Variants in NRXN3 observed in about 807,000 individuals in gnomAD.
NRXN3 encodes the protein neurexin III.
A neutral mutation model predicts 137.6 loss-of-function variants in NRXN3; 32 were observed. The observed-to-expected ratio is 0.23, with a 90% CI of 0.18 to 0.31. The LOEUF is 0.31. NRXN3 is among the 10% of genes least tolerant of loss of function. The pLI, the probability that NRXN3 is intolerant of heterozygous loss-of-function variation, is 1.00. For missense variants in NRXN3, 1,574 were observed against 2,062.5 expected, an observed-to-expected ratio of 0.76 and a Z score of 4.59; for synonymous variants, 798 against 784.5, an observed-to-expected ratio of 1.02 and a Z score of -0.29.
At chr14:78,634,294 AG>A in intron 4 of NRXN3, among the ~76,000 whole-genome samples, 1 of 152,356 alleles carries the variant, frequency 6.6e-6, no homozygotes, top group South Asian at 2.1e-4. Flanking sequence ...ACGATGGGGC[AG>A]GAGGAGGAAT....
chr14:79,426,711 GT>G (rs567460656), intron 15 of NRXN3, among the ~76,000 whole-genome samples: 180 of 152,312 alleles, frequency 1.2e-3, no homozygotes, highest in Admixed American at 2.0e-3. Context: ...TAGTGTGTAG[GT>G]GTTGAGGATG....
At chr14:78,395,632 GA>G (rs967015516) in intron 4 of NRXN3, among the ~76,000 whole-genome samples, 1 of 151,728 alleles carries the variant, frequency 6.6e-6, no homozygotes, top group Non-Finnish European at 1.5e-5. Context: ...ACTCTAATTG[GA>G]TTTATCTCAT....
chr14:78,616,586 T>G (rs999260564), intron 4 of NRXN3, among the ~76,000 whole-genome samples: 3 of 152,340 alleles, frequency 2.0e-5, no homozygotes, highest in South Asian at 2.1e-4. Context: ...GCAAGATTGA[T>G]GAGGACAAGC....
At chr14:79,257,663 C>T (rs988650377) in intron 15 of NRXN3, among the ~76,000 whole-genome samples, 5 of 147,038 alleles carry the variant, frequency 3.4e-5, no homozygotes, top group African/African-American at 1.0e-4. Context: ...CTTTTATCAG[C>T]AAGAAAGTGT....
At chr14:79,569,762 C>T (rs926189233) in intron 16 of NRXN3, among the ~76,000 whole-genome samples, 1 of 152,010 alleles carries the variant, frequency 6.6e-6, no homozygotes, top group Non-Finnish European at 1.5e-5. Context: ...GTGCCCGCCA[C>T]CACACCTGGC....
chr14:79,506,390 C>G (rs990741489), intron 16 of NRXN3, among the ~76,000 whole-genome samples: 14 of 152,088 alleles, frequency 9.2e-5, no homozygotes, highest in Non-Finnish European at 1.8e-4. Context: ...TTGCCAAGAG[C>G]TGGTTATTAT....
chr14:78,833,344 T>G (rs1176930633), intron 10 of NRXN3, among the ~76,000 whole-genome samples: 1 of 152,164 alleles, frequency 6.6e-6, no homozygotes, highest in Non-Finnish European at 1.5e-5. Context: ...CTCCAAGATT[T>G]CTAGCTTTGT....
chr14:79,831,313 G>C (rs2099322686), intron 20 of NRXN3, among the ~76,000 whole-genome samples: 1 of 152,182 alleles, frequency 6.6e-6, no homozygotes, highest in African/African-American at 2.4e-5. Context: ...GTGAGTGACA[G>C]ATTTCACATG....
chr14:78,860,599 AG>A, intron 10 of NRXN3, among the ~76,000 whole-genome samples: 1 of 152,184 alleles, frequency 6.6e-6, no homozygotes, highest in South Asian at 2.1e-4. Context: ...TTTAAATAAA[AG>A]AAGTGTATTT....
intron 15 of NRXN3, among the ~76,000 whole-genome samples, chr14:79,339,732 A>G (rs987242399): frequency 5.9e-5 from 9 of 152,210 alleles, no homozygotes; most frequent in Admixed American, 3.3e-4. Context: ...TGAGACAGTC[A>G]GCCCTGGATT....
chr14:78,326,339 T>A (rs1309684962), intron 4 of NRXN3, among the ~76,000 whole-genome samples: 1 of 151,952 alleles, frequency 6.6e-6, no homozygotes, highest in African/African-American at 2.4e-5. Flanking sequence ...GAGAGGAGAG[T>A]CATGAGTCTG....
At position 78,719,335 on chromosome 14, in the gene NRXN3, G is replaced by A. The variant is rs1422992836; in HGVS notation, c.2044+4196G>A. 2.0e-5 allele frequency among the ~76,000 whole-genome samples: 3 copies of A among 152,196 alleles called. No homozygotes were observed. The East Asian group carries it at 5.8e-4, about 29-fold the overall frequency. On this transcript the variant is annotated intron_variant, in intron 8 of 20. Transcript: ENST00000335750. ...CTTCTCTCCAGTGACTCTTGTTCCA[G>A]TGGGAAAGGCATGCAGGCAGCAGCT...
intron 4 of NRXN3, among the ~76,000 whole-genome samples, chr14:78,474,999 A>G (rs2095353182): frequency 6.6e-6 from 1 of 152,014 alleles, no homozygotes. Flanking sequence ...GATGTAAGTG[A>G]TCTGGGACCA....
At chr14:79,774,213 T>C (rs2099089401) in intron 19 of NRXN3, among the ~76,000 whole-genome samples, 1 of 152,170 alleles carries the variant, frequency 6.6e-6, no homozygotes, top group African/African-American at 2.4e-5. Context: ...TTTCCCAATA[T>C]TGACTGGGGT....
chr14:79,463,802 CA>C (rs1487853461), intron 15 of NRXN3, among the ~76,000 whole-genome samples: 1 of 152,006 alleles, frequency 6.6e-6, no homozygotes, highest in African/African-American at 2.4e-5. Context: ...GTACGAGGCT[CA>C]GGGGAGAAAG....
intron 4 of NRXN3, among the ~76,000 whole-genome samples, chr14:78,584,802 T>C (rs1382971618): frequency 6.6e-6 from 1 of 152,224 alleles, no homozygotes; most frequent in South Asian, 2.1e-4. Context: ...CGTCAAATCA[T>C]CCATCATTTG....
intron 4 of NRXN3, among the ~76,000 whole-genome samples, chr14:78,488,129 T>G (rs528487339): frequency 1.3e-5 from 2 of 152,310 alleles, no homozygotes; most frequent in African/African-American, 2.4e-5. Context: ...CCCCCATGTG[T>G]ACATCCCTGG....
chr14:78,259,931 C>A (rs1020488413), intron 2 of NRXN3, among the ~76,000 whole-genome samples: 3 of 152,180 alleles, frequency 2.0e-5, no homozygotes, highest in African/African-American at 7.2e-5. Flanking sequence ...TTTTTCTAAG[C>A]AGAAGAGACT....
chr14:79,261,606 T>C (rs2077592184), intron 15 of NRXN3, among the ~76,000 whole-genome samples: 1 of 100,576 alleles, frequency 9.9e-6, no homozygotes, highest in African/African-American at 4.4e-5. Context: ...AGGTGCTGTG[T>C]GTGTGTGTGT....
Sources: allele counts gnomAD v4.1 joint callset (sites outside exome capture counted in the v4.1 genomes callset), GRCh38; gene constraint gnomAD v4.1.1; transcripts MANE v1.5; gene names NCBI Gene and HGNC (gene_info 2026-07-23, HGNC 2026-07-21).